The following HBS1L variants were observed in gnomAD, a reference collection of about 807,000 sequenced individuals.
HBS1L encodes the protein HBS1-like protein.
HBS1L carries 55 observed loss-of-function variants against 88.9 expected under a neutral mutation model. That is an observed-to-expected ratio of 0.62 (90% CI 0.50 to 0.77). The LOEUF (loss-of-function observed/expected upper bound fraction) is 0.77, where lower values mean the gene tolerates loss of function less well. Ranked by LOEUF, HBS1L falls within the 30% of genes least tolerant of loss-of-function variation. The pLI is 0.00. For missense variants in HBS1L, 741 were observed against 829.3 expected (o/e 0.89, Z 1.31); for synonymous variants, 267 against 288.5 (o/e 0.93, Z 0.76).
At chr6:134,973,460 A>C (rs1052597882) in intron 15 of HBS1L, among the ~76,000 whole-genome samples, 12 of 152,248 alleles carry the variant, frequency 7.9e-5, no homozygotes, top group African/African-American at 2.9e-4. Context: ...TAATGGGAAG[A>C]TACTGTGTCA....
chr6:134,968,965 C>G (rs1203999911), intron 16 of HBS1L, among the ~76,000 whole-genome samples: 1 of 152,032 alleles, frequency 6.6e-6, no homozygotes, highest in Non-Finnish European at 1.5e-5. Context: ...TTGAAATGTA[C>G]ATACATATAT....
chr6:134,970,324 G>A (rs1178318755), intron 15 of HBS1L, among the ~76,000 whole-genome samples: 1 of 152,090 alleles, frequency 6.6e-6, no homozygotes, highest in Admixed American at 6.5e-5. Context: ...GTAGATATGG[G>A]GTTTCACCAC....
At chr6:135,025,144 A>G (rs1776190832) in intron 4 of HBS1L, among the ~76,000 whole-genome samples, 1 of 152,194 alleles carries the variant, frequency 6.6e-6, no homozygotes. Flanking sequence ...ATCTTCTTCC[A>G]AAAAACACCC....
chr6:134,983,479 A>G (rs1254562190), intron 12 of HBS1L: 2 of 152,154 alleles, frequency 1.3e-5, no homozygotes, highest in Non-Finnish European at 2.9e-5. Context: ...GGAAAATGTG[A>G]GATGATGATG....
At chr6:135,019,053 C>T (rs1352125588) in intron 4 of HBS1L, among the ~76,000 whole-genome samples, 2 of 151,864 alleles carry the variant, frequency 1.3e-5, no homozygotes, top group Admixed American at 1.3e-4. Flanking sequence ...AACCACGCAC[C>T]AAGAAATGCT....
intron 4 of HBS1L, among the ~76,000 whole-genome samples, chr6:135,011,208 A>G (rs772953882): frequency 5.9e-5 from 9 of 152,190 alleles, no homozygotes; most frequent in Non-Finnish European, 8.8e-5. Flanking sequence ...CAGATATACA[A>G]ATTTGTTATA....
intron 4 of HBS1L, among the ~76,000 whole-genome samples, chr6:135,025,699 T>C (rs1776207395): frequency 6.6e-6 from 1 of 152,106 alleles, no homozygotes; most frequent in Non-Finnish European, 1.5e-5. Flanking sequence ...GTAGATACTC[T>C]AAGAATAAAT....
At chr6:135,037,127 A>G in intron 4 of HBS1L, 1 of 1,551,590 alleles carries the variant, frequency 6.4e-7, no homozygotes, top group Non-Finnish European at 8.7e-7. Flanking sequence ...CTTGTGGGAG[A>G]AGCTTTATGA....
chr6:135,029,176 T>C lies in HBS1L; in HGVS notation c.430+10397A>G, dbSNP rs1240907365. ...AAATAATATTTTTTCAAAAATTATC[T>C]TGTAGTGGAGCATAACTTTCCAAAA... On this transcript the variant is annotated intron_variant, in intron 4 of 17. Coordinates refer to ENST00000367837, the MANE Select transcript of HBS1L (RefSeq NM_006620.4). Among the ~76,000 whole-genome samples the C allele has an allele frequency of 3.3e-5, 5 of 152,094 alleles. No individual in the cohort carries two copies. In the East Asian group the frequency reaches 7.7e-4, roughly 23 times the overall value.
chr6:134,992,501 T>C (rs1255553026), intron 8 of HBS1L, among the ~76,000 whole-genome samples: 1 of 152,224 alleles, frequency 6.6e-6, no homozygotes, highest in Non-Finnish European at 1.5e-5. Context: ...ATAATTATGA[T>C]AGTGGTTTAT....
intron 4 of HBS1L, chr6:135,036,769 A>G (rs1463032770): frequency 6.4e-7 from 1 of 1,551,542 alleles, no homozygotes; most frequent in Non-Finnish European, 8.7e-7. Context: ...TGTTGAGGCA[A>G]AAGCTGAAGG....
chr6:135,043,111 CTGAG>C (rs1178668182), intron 2 of HBS1L, among the ~76,000 whole-genome samples: 1 of 152,186 alleles, frequency 6.6e-6, no homozygotes, highest in Non-Finnish European at 1.5e-5. Context: ...CAATACATGC[CTGAG>C]TATCATAAAT....
chr6:134,980,128 G>A (rs1774785369), intron 13 of HBS1L, among the ~76,000 whole-genome samples: 1 of 152,006 alleles, frequency 6.6e-6, no homozygotes, highest in Non-Finnish European at 1.5e-5. Context: ...AAGAGAATGT[G>A]TAGGCCAACC....
intron 4 of HBS1L, among the ~76,000 whole-genome samples, chr6:135,012,878 A>C (rs1775813536): frequency 1.3e-5 from 2 of 152,242 alleles, no homozygotes; most frequent in African/African-American, 4.8e-5. Context: ...CAACTCCAGC[A>C]ATGTATGAAG....
chr6:134,988,070 TAAAC>T (rs1009362770), intron 8 of HBS1L, among the ~76,000 whole-genome samples: 16 of 152,034 alleles, frequency 1.1e-4, no homozygotes, highest in African/African-American at 3.1e-4. Flanking sequence ...AATTAAAACA[TAAAC>T]AAACAGCAAC....
At chr6:134,974,272 T>G (rs4896123) in intron 15 of HBS1L, among the ~76,000 whole-genome samples, 93,028 of 151,804 alleles carry the variant, frequency 0.61, 30,500 homozygotes, top group African/African-American at 0.87. Context: ...AAAAAAAATT[T>G]TCAACAACAA....
At chr6:134,980,337 C>A (rs984798087) in intron 13 of HBS1L, among the ~76,000 whole-genome samples, 1 of 151,908 alleles carries the variant, frequency 6.6e-6, no homozygotes, top group Non-Finnish European at 1.5e-5. Flanking sequence ...CTGCATTAAT[C>A]TGAGAAAAGA....
intron 5 of HBS1L, among the ~76,000 whole-genome samples, chr6:135,000,285 T>A (rs1283916187): frequency 6.7e-6 from 1 of 149,448 alleles, no homozygotes; most frequent in Non-Finnish European, 1.5e-5. Context: ...GGTCTTGAAC[T>A]CTTAGGCTCA....
rs13064 is a variant in HBS1L at position 134,966,395 on chromosome 6, A to G, written c.1977T>C (p.Phe659=). ...GTAGCATGAACCTCCCCAGCTCTTT[A>G]AAGTCTTTATATAGCTCAAGAGCTA... ...RPIALELYKD[F]KELGRFMLRY... is the part of the protein sequence containing the mutation. The change falls in exon 17 of 18, where the codon TTT becomes TTC. Residue 659 remains phenylalanine (F), a synonymous_variant. Transcript: ENST00000367837. The G allele has an allele frequency of 0.36, 573,754 of 1,611,356 alleles. 104,406 individuals carry two copies. Among genetic ancestry groups the G allele is most frequent in the Non-Finnish European group, 0.38 (443,929 of 1,178,426 alleles).
Sources: allele counts gnomAD v4.1 joint callset (sites outside exome capture counted in the v4.1 genomes callset), GRCh38; gene constraint gnomAD v4.1.1; transcripts MANE v1.5; gene names NCBI Gene and HGNC (gene_info 2026-07-23, HGNC 2026-07-21).